ALOX5AP: variants seen among roughly 807,000 people sequenced by gnomAD.
ALOX5AP encodes arachidonate 5-lipoxygenase-activating protein.
ALOX5AP carries 9 observed loss-of-function variants against 18.5 expected under a neutral mutation model. That is an observed-to-expected ratio of 0.49 (90% CI 0.29 to 0.85). The LOEUF (loss-of-function observed/expected upper bound fraction) is 0.85. Among genes scored for constraint, ALOX5AP ranks in the 40% least tolerant of loss-of-function variants. The pLI is 0.08. For synonymous variants in ALOX5AP, 81 were observed against 78.6 expected (o/e 1.03, Z -0.16); for missense variants, 172 against 202.5 (o/e 0.85, Z 0.91).
chr13:30,727,743 C>T (rs1951650038), intron 1 of ALOX5AP, among the ~76,000 whole-genome samples: 2 of 152,094 alleles, frequency 1.3e-5, no homozygotes, highest in Non-Finnish European at 2.9e-5. Flanking sequence ...CTGCAGAAAG[C>T]CCCAGTGTTG....
chr13:30,736,516 G>A (rs1358953719), intron 1 of ALOX5AP, among the ~76,000 whole-genome samples: 1 of 152,238 alleles, frequency 6.6e-6, no homozygotes. Context: ...GAAAAAAAGA[G>A]TAATTACTAA....
chr13:30,718,374 C>T (rs1951565991), intron 1 of ALOX5AP, among the ~76,000 whole-genome samples: 1 of 81,274 alleles, frequency 1.2e-5, no homozygotes, highest in Non-Finnish European at 2.3e-5. Flanking sequence ...AAACCTATCA[C>T]AGATATGCAT....
intron 1 of ALOX5AP, among the ~76,000 whole-genome samples, chr13:30,738,357 A>G (rs1007075778): frequency 3.9e-5 from 6 of 152,264 alleles, no homozygotes; most frequent in African/African-American, 9.6e-5. Context: ...TTTAAAATAC[A>G]TGATTCTAAG....
At chr13:30,752,815 C>G (rs1176923727) in intron 3 of ALOX5AP, among the ~76,000 whole-genome samples, 10 of 152,238 alleles carry the variant, frequency 6.6e-5, no homozygotes, top group Non-Finnish European at 1.5e-4. Flanking sequence ...TGTCTCCCCG[C>G]TCTGTAAAGT....
chr13:30,760,860 C>T (rs1235989433), intron 4 of ALOX5AP, among the ~76,000 whole-genome samples: 1 of 152,090 alleles, frequency 6.6e-6, no homozygotes, highest in African/African-American at 2.4e-5. Flanking sequence ...GGATTATGTA[C>T]CAACTTTTAG....
At chr13:30,759,007 T>C (rs1015835612) in intron 4 of ALOX5AP, among the ~76,000 whole-genome samples, 1 of 152,082 alleles carries the variant, frequency 6.6e-6, no homozygotes. Flanking sequence ...TTAGTAGAGA[T>C]AGGGTTTAGC....
chr13:30,735,733 T>C (rs1297882315), intron 1 of ALOX5AP, 58 bp downstream of exon 1: 3 of 1,595,748 alleles, frequency 1.9e-6, no homozygotes, highest in Middle Eastern at 1.7e-4. Context: ...TTGATGGTTG[T>C]TTGGAAGTCA....
At chr13:30,741,246 C>T (rs1409181334) in intron 1 of ALOX5AP, among the ~76,000 whole-genome samples, 2 of 150,198 alleles carry the variant, frequency 1.3e-5, no homozygotes, top group Non-Finnish European at 3.0e-5. Context: ...CCTCAGCCTA[C>T]AGGTGCCTGC....
chr13:30,759,071 G>A (rs766646124), intron 4 of ALOX5AP, among the ~76,000 whole-genome samples: 9 of 152,054 alleles, frequency 5.9e-5, no homozygotes, highest in African/African-American at 1.4e-4. Context: ...TGCCATCCCC[G>A]GCCTCCCAAA....
intron 1 of ALOX5AP, among the ~76,000 whole-genome samples, chr13:30,722,103 C>T (rs1252396123): frequency 6.6e-6 from 1 of 152,178 alleles, no homozygotes; most frequent in Non-Finnish European, 1.5e-5. Context: ...GCATTCTGGC[C>T]AATAAGATAG....
At chr13:30,762,042 C>T (rs1951946202) in intron 4 of ALOX5AP, among the ~76,000 whole-genome samples, 2 of 152,124 alleles carry the variant, frequency 1.3e-5, no homozygotes, top group Non-Finnish European at 2.9e-5. Flanking sequence ...AACAGGAAAA[C>T]AGGGAGAGAA....
chr13:30,731,895 G>C (rs1046562665), upstream of ALOX5AP, among the ~76,000 whole-genome samples: 3 of 152,224 alleles, frequency 2.0e-5, no homozygotes, highest in Admixed American at 2.0e-4. Context: ...CAGGCAGGGC[G>C]GGCTGCGCTC....
chr13:30,748,554 G>C (rs1951827213), intron 2 of ALOX5AP, among the ~76,000 whole-genome samples: 1 of 152,156 alleles, frequency 6.6e-6, no homozygotes, highest in East Asian at 1.9e-4. Context: ...ACTCAAAATG[G>C]GTTCATCAGT....
At chr13:30,739,247 T>TTTGCACCATTTAATCC (rs1951744065) in intron 1 of ALOX5AP, among the ~76,000 whole-genome samples, 1 of 152,202 alleles carries the variant, frequency 6.6e-6, no homozygotes, top group South Asian at 2.1e-4. Context: ...TCATATAATC[T>TTTGCACCATTTAATCC]TTGCACCATT....
At chr13:30,760,807 A>C (rs1403392178) in intron 4 of ALOX5AP, among the ~76,000 whole-genome samples, 1 of 152,198 alleles carries the variant, frequency 6.6e-6, no homozygotes, top group Non-Finnish European at 1.5e-5. Context: ...CCTGGCCCCG[A>C]AAGATGCTTA....
At chr13:30,741,103 CTTTTTTTTTTTTTTTTTTTT>C (rs59980433) in intron 1 of ALOX5AP, among the ~76,000 whole-genome samples, 1 of 63,968 alleles carries the variant, frequency 1.6e-5, no homozygotes, top group Non-Finnish European at 2.8e-5. Flanking sequence ...CCTCCATATC[CTTTTTTTTTTTTTTTTTTTT>C]TTTTTTTTTT....
chr13:30,748,002 C>G (rs1400981333), intron 2 of ALOX5AP, among the ~76,000 whole-genome samples: 1 of 152,146 alleles, frequency 6.6e-6, no homozygotes. Flanking sequence ...TGACTGCAAC[C>G]TCTGCCTTCC....
In ALOX5AP at chr13:30,763,973, T is replaced by C; in HGVS notation, c.353T>C (p.Ile118Thr). The change falls in exon 5 of 5, where the codon ATC (isoleucine) becomes ACC (threonine). Residue 118 changes from isoleucine (I) to threonine (T), a missense_variant. By Grantham distance (89) the Ile-to-Thr change is moderately conservative. Transcript: ENST00000380490. ...CCTGGCTACATATTTGGGAAACGCA[T>C]CATACTCTTCCTGTTCCTCATGTCC... ...STPGYIFGKR[I>T]ILFLFLMSVA... The C allele has an allele frequency of 6.2e-7, 1 of 1,614,160 alleles. No homozygotes were observed. Among genetic ancestry groups the C allele is most frequent in the Non-Finnish European group, 8.5e-7 (1 of 1,180,012 alleles).
chr13:30,749,699 C>T (rs898193199), intron 2 of ALOX5AP, among the ~76,000 whole-genome samples: 1 of 152,202 alleles, frequency 6.6e-6, no homozygotes, highest in African/African-American at 2.4e-5. Flanking sequence ...GAGCACTTTG[C>T]AAGGTCAGCA....
Sources: allele counts gnomAD v4.1 joint callset (sites outside exome capture counted in the v4.1 genomes callset), GRCh38; gene constraint gnomAD v4.1.1; transcripts MANE v1.5; gene names NCBI Gene and HGNC (gene_info 2026-07-23, HGNC 2026-07-21).